The following DDB1 variants were observed in gnomAD, a reference collection of about 807,000 sequenced individuals.
DDB1 encodes the protein damage specific DNA binding protein 1.
In DDB1, 18 loss-of-function variants were observed where a neutral mutation model predicts 133.1. The ratio of observed to expected loss-of-function variants is 0.14; its 90% CI spans 0.09 to 0.20. The LOEUF (loss-of-function observed/expected upper bound fraction) is 0.20, where lower values mean the gene tolerates loss of function less well. Ranked by LOEUF, DDB1 falls within the 10% of genes least tolerant of loss-of-function variation. DDB1 has a pLI of 1.00. For missense variants in DDB1, 828 were observed against 1,459.2 expected (o/e 0.57, Z 7.05); for synonymous variants, 580 against 550.5 (o/e 1.05, Z -0.75).
At chr11:61,325,476 G>C in intron 6 of DDB1, 135 bp downstream of exon 6, 1 of 701,358 alleles carries the variant, frequency 1.4e-6, no homozygotes, top group Non-Finnish European at 2.4e-6. Flanking sequence ...AATGGCCAAC[G>C]CAATACCTTA....
rs1325131361 is a variant in DDB1 at position 61,329,997 on chromosome 11, C to G, written c.288G>C (p.Glu96Asp). ...ACILEYKQSG[E>D]SIDIITRAHG... ...GGGCTCGCGTAATGATGTCAATGCT[C>G]TCGCCACTCTGTTTATACTCCAGGA... The change falls in exon 3 of 27, where the codon GAG becomes GAC. Residue 96 changes from glutamate to aspartate, a missense_variant. By Grantham distance (45) the Glu-to-Asp change is conservative (BLOSUM62 2). Around this residue, in one of 7 missense-constraint regions of DDB1, gnomAD observed 210 missense variants for 344.8 expected, o/e 0.61. Transcript: ENST00000301764. The G allele has an allele frequency of 3.1e-6, 5 of 1,613,944 alleles. No individual in the cohort carries two copies. Among genetic ancestry groups the G allele is most frequent in the Non-Finnish European group, 4.2e-6 (5 of 1,179,930 alleles).
At chr11:61,309,635 C>T (rs1855930106) in intron 20 of DDB1, among the ~76,000 whole-genome samples, 161 bp downstream of exon 20, 2 of 152,106 alleles carry the variant, frequency 1.3e-5, no homozygotes, top group African/African-American at 4.8e-5. Context: ...GTACTGTTCA[C>T]ATGCTCCAAA....
chr11:61,310,560 G>A (rs1855947974), intron 18 of DDB1, 142 bp from the exon 19 acceptor site: 5 of 952,018 alleles, frequency 5.3e-6, no homozygotes, highest in East Asian at 2.8e-5. Flanking sequence ...AGGAGCCTGA[G>A]GAGAGTGTTT....
intron 21 of DDB1, among the ~76,000 whole-genome samples, chr11:61,308,255 C>G (rs1431800701): frequency 6.6e-6 from 1 of 152,132 alleles, no homozygotes; most frequent in African/African-American, 2.4e-5. Flanking sequence ...CTATGACCTA[C>G]CACCCCTTGC....
At position 61,309,871 on chromosome 11, in the gene DDB1, C is replaced by T; in HGVS notation, c.2491G>A (p.Val831Met). 1 of 1,614,184 alleles carries T rather than the reference C, an allele frequency of 6.2e-7. No individual in the cohort carries two copies. Among genetic ancestry groups the T allele is most frequent in the Non-Finnish European group, 8.5e-7 (1 of 1,180,034 alleles). ...LGKDPNTYFI[V>M]GTAMVYPEEA... is the part of the protein sequence containing the mutation. ...TCAGGATACACCATTGCTGTGCCCA[C>T]AATGAAGTAAGTGTTGGGGTCTTTG... Residue 831 changes from valine (V) to methionine (M), a missense_variant, in exon 20 of 27, where the codon GTG becomes ATG. Coordinates refer to ENST00000301764, the MANE Select transcript of DDB1 (RefSeq NM_001923.5).
chr11:61,316,089 A>G (rs1290152465), intron 12 of DDB1, 196 bp downstream of exon 12: 2 of 509,820 alleles, frequency 3.9e-6, no homozygotes, highest in Non-Finnish European at 6.9e-6. Flanking sequence ...CAGAAGAAAA[A>G]TAAAGCTAAA....
At chr11:61,331,731 G>C in intron 1 of DDB1, 40 bp from the exon 2 acceptor site, 1 of 1,611,240 alleles carries the variant, frequency 6.2e-7, no homozygotes, top group Non-Finnish European at 8.5e-7. Flanking sequence ...CTCAGGGGAA[G>C]GGCCTCCCAT....
chr11:61,321,961 T>G (rs1389856430), intron 9 of DDB1: 1 of 547,862 alleles, frequency 1.8e-6, no homozygotes, highest in African/African-American at 1.9e-5. Flanking sequence ...TTTACTAGAA[T>G]GAGCACAGGA....
In DDB1 at chr11:61,323,313, A is replaced by C. The variant is rs1021101376; in HGVS notation, c.922-219T>G. 5.4e-6 allele frequency: 3 copies of C among 558,488 alleles called. No individual in the cohort carries two copies. In the African/African-American group the frequency reaches 5.6e-5, roughly 10 times the overall value. The allele number at this position is 558,488 out of a possible 1,614,324, so 34.6% of individuals were successfully genotyped here. ...CATCCCTACACTCAGAAAAATCTAT[A>C]ATTTGTCTTGCATATTCCTGCTCCA... On this transcript the variant is annotated intron_variant, in intron 7 of 26. Coordinates refer to ENST00000301764, the MANE Select transcript of DDB1 (RefSeq NM_001923.5).
chr11:61,314,416 T>A lies in DDB1; in HGVS notation c.1481A>T (p.Gln494Leu). The A allele has an allele frequency of 6.2e-7, 1 of 1,614,230 alleles. No homozygotes were observed. Among genetic ancestry groups the A allele is most frequent in the South Asian group, 1.1e-5 (1 of 91,090 alleles). ...GGAGGCCACACTGATGTTCTTGGCC[T>A]GAGGCTCCTTCCATTCACTGACCAG... ...KALVSEWKEP[Q>L]AKNISVASCN... is the part of the protein sequence containing the mutation. The change falls in exon 13 of 27, where the codon CAG (glutamine) becomes CTG (leucine). Residue 494 changes from glutamine to leucine, a missense_variant. Gln to Leu is a moderately radical substitution (Grantham distance 113). Transcript: ENST00000301764.
rs1381828475 is a variant in DDB1 at position 61,323,973 on chromosome 11, C to A, written c.921+6G>T. On this transcript the variant is annotated splice_donor_region_variant and intron_variant, in intron 7 of 26. Coordinates refer to ENST00000301764, the MANE Select transcript of DDB1 (RefSeq NM_001923.5). Reference sequence around the variant, plus strand: ...ATTGTAGAGGAACAGGGAGAACAAGCTCTACCTCTCCAAGGAGTTCTACAC... The same window carrying A: ...ATTGTAGAGGAACAGGGAGAACAAGATCTACCTCTCCAAGGAGTTCTACAC... The A allele has an allele frequency of 3.7e-6, 6 of 1,613,298 alleles. No individual in the cohort carries two copies. In the East Asian group the frequency reaches 1.3e-4, roughly 36 times the overall value.
chr11:61,309,983 C>G, intron 19 of DDB1, 23 bp from the exon 20 acceptor site: 1 of 1,614,174 alleles, frequency 6.2e-7, no homozygotes, highest in South Asian at 1.1e-5. Flanking sequence ...GAGATGACTA[C>G]GTGATGACAG....
At chr11:61,325,754 G>A (rs1856259248) in intron 5 of DDB1, 46 bp from the exon 6 acceptor site, 1 of 1,506,594 alleles carries the variant, frequency 6.6e-7, no homozygotes, top group African/African-American at 1.4e-5. Flanking sequence ...CTCTGGGTCT[G>A]CCAAACCAGG....
At chr11:61,310,200 C>A in intron 19 of DDB1, 95 bp downstream of exon 19, 2 of 1,522,304 alleles carry the variant, frequency 1.3e-6, no homozygotes, top group Admixed American at 4.0e-5. Flanking sequence ...CTAGGACAGT[C>A]TGCCACATCT....
intron 21 of DDB1, among the ~76,000 whole-genome samples, chr11:61,308,548 G>A (rs1023692129): frequency 1.3e-5 from 2 of 152,028 alleles, no homozygotes; most frequent in East Asian, 1.9e-4. Flanking sequence ...GTCCATTTTC[G>A]ATATACAAAA....
intron 10 of DDB1, among the ~76,000 whole-genome samples, 186 bp from the exon 11 acceptor site, chr11:61,316,753 C>G (rs1856074510): frequency 6.6e-6 from 1 of 150,808 alleles, no homozygotes; most frequent in Non-Finnish European, 1.5e-5. Context: ...GAGACCTTGT[C>G]CCTGCTAAAA....
At chr11:61,332,721 C>A (rs1403500646) in intron 1 of DDB1, 187 bp downstream of exon 1, 2 of 466,292 alleles carry the variant, frequency 4.3e-6, no homozygotes, top group South Asian at 4.7e-5. Context: ...GGCTTCCAAC[C>A]CCCAAAAAGC....
At chr11:61,310,601 C>A in intron 18 of DDB1, 183 bp from the exon 19 acceptor site, 1 of 570,752 alleles carries the variant, frequency 1.8e-6, no homozygotes. Context: ...AACATCAATC[C>A]CAAACAGTAA....
In DDB1 at chr11:61,310,546, C is replaced by T. The variant is rs932048589; in HGVS notation, c.2278-128G>A. 21 of 1,091,720 alleles carry T rather than the reference C, an allele frequency of 1.9e-5. No individual in the cohort carries two copies. In the Admixed American group the frequency reaches 2.9e-4, roughly 15 times the overall value. 67.6% of individuals were successfully genotyped at this position (1,091,720 alleles called of 1,614,324 possible). A position where few individuals can be genotyped will look rare whatever the true frequency, so the allele number is the denominator to read the frequency against. On this transcript the variant is annotated intron_variant, in intron 18 of 26. Transcript: ENST00000301764. ...AGCCAAGAACTCTGATGGCTGGCAG[C>T]TCAAGGAGCCTGAGGAGAGTGTTTC... is the stretch of plus-strand genomic sequence containing the variant.
Sources: gnomAD v4.1 joint callset for allele counts (sites outside exome capture counted in the v4.1 genomes callset) on GRCh38, gnomAD v4.1.1 for gene constraint, gnomAD v4.1.1 regional missense constraint, MANE v1.5 for transcripts, NCBI Gene and HGNC (gene_info 2026-07-23, HGNC 2026-07-21) for gene names.